Variants in FRAS1 observed in about 807,000 individuals in gnomAD.
The protein encoded by FRAS1 is Fraser extracellular matrix complex subunit 1.
A neutral mutation model predicts 435.2 loss-of-function variants in FRAS1; 290 were observed. The ratio of observed to expected loss-of-function variants is 0.67; its 90% CI spans 0.61 to 0.73. The LOEUF is 0.73. Among genes scored for constraint, FRAS1 ranks in the 30% least tolerant of loss-of-function variants. FRAS1 has a pLI of 0.00. For synonymous variants in FRAS1, 1,800 were observed against 1,851.0 expected, an observed-to-expected ratio of 0.97 and a Z score of 0.71; for missense variants, 4,860 against 5,001.5, an observed-to-expected ratio of 0.97 and a Z score of 0.85.
rs113786980 is a variant in FRAS1, at chr4:78,194,716, A to C, written c.109-42794A>C. 2.8e-3 allele frequency among the ~76,000 whole-genome samples: 430 copies of C among 152,168 alleles called. 1 individual carries two copies. The highest frequency in any genetic ancestry group is 9.2e-3 in the African/African-American group (383 of 41,498). ...TTTTAACTTCTTTGCCATGGGTTCA[A>C]ACTTCCTCCTTTAGCTCGGAGTAGT... On this transcript the variant is annotated intron_variant, in intron 2 of 73. Transcript: ENST00000512123.
At chr4:78,472,966 T>G (rs1166408423) in intron 52 of FRAS1, among the ~76,000 whole-genome samples, 1 of 152,232 alleles carries the variant, frequency 6.6e-6, no homozygotes, top group Admixed American at 6.5e-5. Context: ...CACACCTTTT[T>G]AGCTGTGCTT....
intron 47 of FRAS1, among the ~76,000 whole-genome samples, chr4:78,459,724 A>G (rs941786471): frequency 4.6e-5 from 7 of 152,162 alleles, no homozygotes; most frequent in African/African-American, 1.4e-4. Flanking sequence ...TGGAGGCTGC[A>G]AGTTTGAGAT....
intron 1 of FRAS1, 138 bp from the exon 2 acceptor site, chr4:78,065,847 A>G: frequency 1.5e-6 from 1 of 687,254 alleles, no homozygotes; most frequent in African/African-American, 1.8e-5. Flanking sequence ...AGAATGCTGA[A>G]GCTTTTAAGA....
intron 53 of FRAS1, 56 bp from the exon 54 acceptor site, chr4:78,475,379 AGTT>A: frequency 6.3e-7 from 1 of 1,589,240 alleles, no homozygotes; most frequent in Non-Finnish European, 8.6e-7. Context: ...GCATTAAACA[AGTT>A]GTTTTTTCAT....
intron 2 of FRAS1, among the ~76,000 whole-genome samples, chr4:78,116,087 A>T (rs1743151069): frequency 6.6e-6 from 1 of 152,156 alleles, no homozygotes; most frequent in Admixed American, 6.5e-5. Flanking sequence ...TTCATTATGT[A>T]CCCAGTAGTC....
At chr4:78,167,779 T>G (rs1721393331) in intron 2 of FRAS1, among the ~76,000 whole-genome samples, 2 of 152,008 alleles carry the variant, frequency 1.3e-5, no homozygotes, top group African/African-American at 2.4e-5. Context: ...TTAACCACCA[T>G]GCTATACTTA....
At chr4:78,450,072 C>T in intron 44 of FRAS1, 79 bp from the exon 45 acceptor site, 4 of 1,113,204 alleles carry the variant, frequency 3.6e-6, no homozygotes, top group Non-Finnish European at 5.2e-6. Context: ...AATTTAGCCT[C>T]CAGTCTCCTA....
intron 29 of FRAS1, among the ~76,000 whole-genome samples, chr4:78,397,958 G>A (rs976331277): frequency 1.6e-4 from 24 of 151,344 alleles, no homozygotes; most frequent in African/African-American, 5.9e-4. Flanking sequence ...TGCATCTATT[G>A]TTGATTTTTT....
At chr4:78,210,312 C>T (rs1723449176) in intron 2 of FRAS1, among the ~76,000 whole-genome samples, 2 of 152,218 alleles carry the variant, frequency 1.3e-5, no homozygotes, top group Non-Finnish European at 2.9e-5. Flanking sequence ...TTCTAAGCCA[C>T]TCATACCTTG....
In FRAS1 at chr4:78,195,196, C is replaced by T. The variant is rs549693807; in HGVS notation, c.109-42314C>T. Among the ~76,000 whole-genome samples, 8 of 152,326 alleles carry T rather than the reference C, an allele frequency of 5.3e-5. No individual in the cohort carries two copies. In the South Asian group the frequency reaches 1.2e-3, roughly 24 times the overall value. The stretch of plus-strand genomic sequence containing the variant: ...AGTCTGCCCCTACTAGGGGGTGCCT[C>T]GCAGTTAGGCTACTCGGGGGTCAGG... On this transcript the variant is annotated intron_variant, in intron 2 of 73. Transcript: ENST00000512123.
chr4:78,293,661 C>A (rs1253877941), intron 14 of FRAS1, among the ~76,000 whole-genome samples: 1 of 152,152 alleles, frequency 6.6e-6, no homozygotes, highest in Non-Finnish European at 1.5e-5. Context: ...AATAGGATTG[C>A]CTTCCTAGAA....
intron 20 of FRAS1, among the ~76,000 whole-genome samples, chr4:78,344,671 A>G (rs759836334): frequency 6.6e-6 from 1 of 152,090 alleles, no homozygotes; most frequent in African/African-American, 2.4e-5. Flanking sequence ...TGTGATAAAT[A>G]GAGTGGCTCG....
At chr4:78,439,472 G>A (rs540359411) in intron 40 of FRAS1, among the ~76,000 whole-genome samples, 1 of 152,232 alleles carries the variant, frequency 6.6e-6, no homozygotes, top group South Asian at 2.1e-4. Flanking sequence ...CGGTTCCTTT[G>A]TGGGCAGAGC....
chr4:78,312,898 A>C (rs958275122), intron 15 of FRAS1, among the ~76,000 whole-genome samples: 1 of 151,764 alleles, frequency 6.6e-6, no homozygotes, highest in African/African-American at 2.4e-5. Context: ...AGAAAGAAAG[A>C]AAGCTCATCA....
Position 78,441,175 on chromosome 4 carries a change from G to A in FRAS1, c.5543G>A (p.Gly1848Glu). 6.2e-7 allele frequency: 1 copy of A among 1,613,596 alleles called. No homozygotes were observed. Among genetic ancestry groups the A allele is most frequent in the East Asian group, 2.2e-5 (1 of 44,866 alleles). ...FADLITVDEGGRAPLSFHHFF... is the reference protein window; with the variant it reads ...FADLITVDEGERAPLSFHHFF... Reference sequence around the variant, plus strand: ...TTTCTTTCTTAGGTTGATGAGGGAGGGAGAGCACCACTCTCATTTCACCAT... The same window carrying A: ...TTTCTTTCTTAGGTTGATGAGGGAGAGAGAGCACCACTCTCATTTCACCAT... Residue 1848 changes from glycine to glutamate, a missense_variant, in exon 41 of 74, where the codon GGG becomes GAG. Physicochemically the swap from Gly to Glu is moderately conservative, Grantham distance 98. Transcript: ENST00000512123.
At chr4:78,233,236 CA>C (rs533823323) in intron 2 of FRAS1, among the ~76,000 whole-genome samples, 314 of 152,304 alleles carry the variant, frequency 2.1e-3, no homozygotes, top group African/African-American at 7.5e-3. Flanking sequence ...CTTAAGGGAG[CA>C]CATAAAAGCT....
At chr4:78,318,419 A>G (rs1429389340) in intron 17 of FRAS1, among the ~76,000 whole-genome samples, 2 of 152,220 alleles carry the variant, frequency 1.3e-5, no homozygotes, top group Non-Finnish European at 2.9e-5. Context: ...TTTGCAAAAG[A>G]TACAGTAATG....
intron 2 of FRAS1, among the ~76,000 whole-genome samples, chr4:78,160,323 C>G (rs996947271): frequency 6.6e-6 from 1 of 152,212 alleles, no homozygotes; most frequent in Non-Finnish European, 1.5e-5. Flanking sequence ...AGCCTGCAGT[C>G]AGGTTTAATT....
intron 3 of FRAS1, among the ~76,000 whole-genome samples, chr4:78,244,212 T>A (rs78579110): frequency 0.014 from 2,185 of 152,138 alleles, 44 homozygotes; most frequent in African/African-American, 0.049. Flanking sequence ...ACAATTTTTT[T>A]AAAAATGAAG....
Sources: allele counts gnomAD v4.1 joint callset (sites outside exome capture counted in the v4.1 genomes callset), GRCh38; gene constraint gnomAD v4.1.1; transcripts MANE v1.5; gene names NCBI Gene and HGNC (gene_info 2026-07-23, HGNC 2026-07-21).